DMD: variants seen among roughly 807,000 people sequenced by gnomAD.
DMD encodes the protein mutant dystrophin.
In DMD, 63 loss-of-function variants were observed where a neutral mutation model predicts 330.1. The observed-to-expected ratio is 0.19, with a 90% CI of 0.16 to 0.24. The LOEUF is 0.24. Ranked by LOEUF, DMD falls within the 10% of genes least tolerant of loss-of-function variation. DMD has a pLI of 1.00. For synonymous variants in DMD, 1,223 were observed against 959.8 expected (o/e 1.27, Z -5.07); for missense variants, 3,344 against 2,684.1 (o/e 1.25, Z -5.43).
At chrX:32,795,620 G>A (rs957234039) in intron 7 of DMD, among the ~76,000 whole-genome samples, 1 of 112,003 alleles carries the variant, frequency 8.9e-6, no homozygotes, top group African/African-American at 3.2e-5. Context: ...AATTGGGACT[G>A]TAGAAAATGA....
At chrX:33,328,835 G>A (rs910624585) in intron 1 of DMD, among the ~76,000 whole-genome samples, 2 of 111,447 alleles carry the variant, frequency 1.8e-5, no homozygotes, top group South Asian at 7.6e-4. Context: ...ACTAAGATAT[G>A]GGACTAAATA....
At chrX:32,916,753 T>A (rs2087848078) in intron 2 of DMD, among the ~76,000 whole-genome samples, 1 of 111,798 alleles carries the variant, frequency 8.9e-6, no homozygotes, top group Non-Finnish European at 1.9e-5. Flanking sequence ...TTTACTGTTG[T>A]CATAAGCATA....
At chrX:32,306,059 T>C (rs939945404) in intron 42 of DMD, among the ~76,000 whole-genome samples, 29 of 108,007 alleles carry the variant, frequency 2.7e-4, no homozygotes, top group Middle Eastern at 4.7e-3. Flanking sequence ...TTTTTTTTTT[T>C]CCCAAAATAC....
upstream of DMD, among the ~76,000 whole-genome samples, chrX:33,215,182 A>G (rs1407708955): frequency 9.1e-6 from 1 of 109,576 alleles, no homozygotes; most frequent in Non-Finnish European, 1.9e-5. Context: ...AAAAAAATAC[A>G]GCCGTGATGT....
At chrX:32,174,704 C>G (rs552718592) in intron 44 of DMD, among the ~76,000 whole-genome samples, 4 of 111,849 alleles carry the variant, frequency 3.6e-5, no homozygotes, top group Admixed American at 2.9e-4. Context: ...AACTATTGCT[C>G]ACGTATATTT....
At chrX:33,174,288 G>A (rs771396232) in intron 1 of DMD, among the ~76,000 whole-genome samples, 62 of 110,808 alleles carry the variant, frequency 5.6e-4, no homozygotes, top group Non-Finnish European at 9.8e-4. Context: ...GGAATGGTGA[G>A]TTTCCAGGTC....
intron 55 of DMD, among the ~76,000 whole-genome samples, chrX:31,557,857 T>C (rs759650149): frequency 2.4e-4 from 26 of 109,630 alleles, no homozygotes; most frequent in Admixed American, 1.6e-3. Flanking sequence ...CAAATACAGA[T>C]TGGAAAAAAA....
chrX:31,728,178 A>G (rs1430572176), intron 52 of DMD, among the ~76,000 whole-genome samples: 1 of 110,062 alleles, frequency 9.1e-6, no homozygotes, highest in Non-Finnish European at 1.9e-5. Flanking sequence ...GCCCGCCACC[A>G]CGCCCGGCTA....
intron 51 of DMD, among the ~76,000 whole-genome samples, chrX:31,770,069 G>T (rs1172895949): frequency 8.9e-6 from 1 of 112,054 alleles, no homozygotes; most frequent in Non-Finnish European, 1.9e-5. Flanking sequence ...AAACAGACTG[G>T]AATACTTCTT....
intron 2 of DMD, among the ~76,000 whole-genome samples, chrX:33,011,922 C>A (rs1240623859): frequency 2.7e-5 from 3 of 111,384 alleles, no homozygotes; most frequent in African/African-American, 9.8e-5. Flanking sequence ...CATATGCAAG[C>A]TAAATATGCT....
chrX:33,211,316 GA>G lies in DMD; in HGVS notation c.-5del. The stretch of plus-strand genomic sequence containing the variant: ...CTACTTCTTCCCACCAAAGCATTTT[GA>G]AAAGTGTATATCAAGGCAGCGATAA... On this transcript the variant is annotated 5_prime_UTR_variant, in exon 1 of 79. Coordinates refer to ENST00000357033, the MANE Select transcript of DMD (RefSeq NM_004006.3). The G allele has an allele frequency of 8.3e-7, 1 of 1,208,816 alleles. No homozygotes were observed. The highest frequency in any genetic ancestry group is 1.8e-5 in the South Asian group (1 of 56,620).
At chrX:32,845,474 C>T (rs922200831) in intron 3 of DMD, among the ~76,000 whole-genome samples, 6 of 111,794 alleles carry the variant, frequency 5.4e-5, no homozygotes, top group Non-Finnish European at 1.1e-4. Context: ...AGAAATTCTA[C>T]CATTATGATA....
At chrX:33,207,159 T>G (rs746381691) in intron 1 of DMD, among the ~76,000 whole-genome samples, 1 of 111,505 alleles carries the variant, frequency 9.0e-6, no homozygotes, top group Non-Finnish European at 1.9e-5. Flanking sequence ...TTAAGAAAAT[T>G]TATATGCCCT....
chrX:32,536,820 C>A (rs1423511972), intron 17 of DMD, among the ~76,000 whole-genome samples: 2 of 111,166 alleles, frequency 1.8e-5, no homozygotes, highest in Non-Finnish European at 3.8e-5. Context: ...CTAAAGATCA[C>A]AAAAGAATTT....
At chrX:32,708,484 GA>G (rs1473309318) in intron 7 of DMD, among the ~76,000 whole-genome samples, 2 of 111,105 alleles carry the variant, frequency 1.8e-5, no homozygotes, top group African/African-American at 6.5e-5. Flanking sequence ...AATAATTAGG[GA>G]TGATGTTAAC....
At chrX:31,722,979 C>T (rs988936584) in intron 52 of DMD, among the ~76,000 whole-genome samples, 5 of 109,719 alleles carry the variant, frequency 4.6e-5, no homozygotes, top group South Asian at 4.0e-4. Flanking sequence ...ATCTGGGAGG[C>T]GGAGTTGCAG....
intron 1 of DMD, among the ~76,000 whole-genome samples, chrX:33,080,863 A>G (rs764163662): frequency 4.5e-5 from 5 of 111,638 alleles, no homozygotes; most frequent in Non-Finnish European, 5.6e-5. Context: ...CCAAAAGATT[A>G]CTAAAGTCAT....
intron 52 of DMD, among the ~76,000 whole-genome samples, chrX:31,721,217 A>AT (rs1340426643): frequency 7.2e-5 from 8 of 111,667 alleles, no homozygotes; most frequent in Non-Finnish European, 5.6e-5. Flanking sequence ...GAACCTCATG[A>AT]TGATGGCTGA....
chrX:31,227,145 A>G (rs1257853511), intron 63 of DMD, among the ~76,000 whole-genome samples: 1 of 110,673 alleles, frequency 9.0e-6, no homozygotes, highest in Non-Finnish European at 1.9e-5. Flanking sequence ...TATGACCCCA[A>G]TTCTACCCTC....
Sources: allele counts gnomAD v4.1 joint callset (sites outside exome capture counted in the v4.1 genomes callset), GRCh38; gene constraint gnomAD v4.1.1; transcripts MANE v1.5; gene names NCBI Gene and HGNC (gene_info 2026-07-23, HGNC 2026-07-21).